DNM3: variants seen among roughly 807,000 people sequenced by gnomAD.
DNM3 encodes the protein dynamin 3.
In DNM3, 47 loss-of-function variants were observed where a neutral mutation model predicts 101.6. The observed-to-expected ratio is 0.46, with a 90% CI of 0.37 to 0.59. DNM3 has a LOEUF of 0.59. Among genes scored for constraint, DNM3 ranks in the 20% least tolerant of loss-of-function variants. The pLI is 0.00. For synonymous variants in DNM3, 385 were observed against 387.9 expected (o/e 0.99, Z 0.09); for missense variants, 849 against 1,085.7 (o/e 0.78, Z 3.06).
intron 14 of DNM3, among the ~76,000 whole-genome samples, chr1:172,244,134 T>C (rs10458357): frequency 6.6e-6 from 1 of 151,862 alleles, no homozygotes. Context: ...TTTGTTCTTG[T>C]GATAGTTTAC....
rs143439806 is a variant in DNM3, at chr1:172,284,603, A to G, written c.1770-24125A>G. On this transcript the variant is annotated intron_variant, in intron 15 of 20. Transcript: ENST00000627582. ...CAAACAAATAAATCAAGAAATGAATACCATAGGAACATTATACAGAATGAC... is the reference window on the plus strand; with the variant it reads ...CAAACAAATAAATCAAGAAATGAATGCCATAGGAACATTATACAGAATGAC... Among the ~76,000 whole-genome samples, 335 of 152,310 alleles carry G rather than the reference A, an allele frequency of 2.2e-3. 4 individuals are homozygous for G. In the South Asian group the frequency reaches 0.022, roughly 10 times the overall value.
downstream of DNM3, among the ~76,000 whole-genome samples, chr1:172,413,102 A>ATGTT (rs1395738297): frequency 6.6e-6 from 1 of 152,204 alleles, no homozygotes; most frequent in East Asian, 1.9e-4. Flanking sequence ...GTGTGCCCAA[A>ATGTT]TGTTAGGTCC....
intron 1 of DNM3, among the ~76,000 whole-genome samples, chr1:171,854,782 G>A (rs933500516): frequency 2.0e-5 from 3 of 151,748 alleles, no homozygotes; most frequent in Non-Finnish European, 4.4e-5. Context: ...CACCAGGCTG[G>A]TCTCAAACTC....
chr1:172,167,719 A>G (rs570992091), intron 14 of DNM3, among the ~76,000 whole-genome samples: 1 of 152,128 alleles, frequency 6.6e-6, no homozygotes, highest in Admixed American at 6.6e-5. Context: ...TTTTTTCCAT[A>G]TAATTGATGC....
chr1:172,354,088 G>T (rs1309991452), intron 17 of DNM3, among the ~76,000 whole-genome samples: 3 of 123,042 alleles, frequency 2.4e-5, no homozygotes, highest in South Asian at 2.9e-4. Context: ...AAGGTGTTGG[G>T]GTGTGTGTGT....
At chr1:171,846,344 GT>G (rs1157344128) in intron 1 of DNM3, among the ~76,000 whole-genome samples, 1 of 152,134 alleles carries the variant, frequency 6.6e-6, no homozygotes, top group Non-Finnish European at 1.5e-5. Context: ...GGATATCTCT[GT>G]TTTGGAATTT....
chr1:172,106,163 G>A (rs2054997713), intron 13 of DNM3, among the ~76,000 whole-genome samples: 1 of 152,126 alleles, frequency 6.6e-6, no homozygotes, highest in African/African-American at 2.4e-5. Context: ...ATATGGGCCT[G>A]TAATCCCATC....
intron 14 of DNM3, among the ~76,000 whole-genome samples, chr1:172,230,110 A>C (rs1573036104): frequency 6.6e-6 from 1 of 152,202 alleles, no homozygotes; most frequent in Non-Finnish European, 1.5e-5. Flanking sequence ...CCATGTTGTC[A>C]TGGTTTTTTG....
intron 17 of DNM3, among the ~76,000 whole-genome samples, chr1:172,367,626 CA>C (rs2149028565): frequency 6.6e-6 from 1 of 151,616 alleles, no homozygotes; most frequent in African/African-American, 2.4e-5. Context: ...ATTAAATTCC[CA>C]AATTAAAAGA....
chr1:171,950,789 T>A (rs1010622699), intron 2 of DNM3, among the ~76,000 whole-genome samples: 1 of 152,202 alleles, frequency 6.6e-6, no homozygotes, highest in African/African-American at 2.4e-5. Flanking sequence ...GGTACACACG[T>A]GTGTACTTAC....
intron 1 of DNM3, among the ~76,000 whole-genome samples, chr1:171,856,191 A>G (rs898896459): frequency 6.6e-6 from 1 of 151,984 alleles, no homozygotes; most frequent in Non-Finnish European, 1.5e-5. Flanking sequence ...GTGTGGCCTT[A>G]TTTCTGGGCT....
At chr1:172,220,593 G>A (rs1438966929) in intron 14 of DNM3, among the ~76,000 whole-genome samples, 2 of 152,020 alleles carry the variant, frequency 1.3e-5, no homozygotes, top group Admixed American at 6.6e-5. Context: ...AGAGGCGGAT[G>A]GGAAAGGAAC....
At chr1:172,110,343 T>G (rs1403450450) in intron 13 of DNM3, among the ~76,000 whole-genome samples, 1 of 152,224 alleles carries the variant, frequency 6.6e-6, no homozygotes, top group Non-Finnish European at 1.5e-5. Flanking sequence ...CATACTCCTC[T>G]CACCACAGTT....
intron 11 of DNM3, among the ~76,000 whole-genome samples, chr1:172,079,340 C>A (rs1286377118): frequency 6.6e-6 from 1 of 152,018 alleles, no homozygotes; most frequent in African/African-American, 2.4e-5. Context: ...TTTCTGTAAT[C>A]TTGTCTCTAC....
intron 2 of DNM3, among the ~76,000 whole-genome samples, chr1:171,953,806 A>G (rs1328825722): frequency 1.3e-5 from 2 of 152,212 alleles, no homozygotes; most frequent in Non-Finnish European, 2.9e-5. Context: ...TAGACAGGAA[A>G]GTTGCCAAGA....
chr1:171,963,349 A>G (rs2043341176), intron 2 of DNM3, among the ~76,000 whole-genome samples: 1 of 152,180 alleles, frequency 6.6e-6, no homozygotes, highest in African/African-American at 2.4e-5. Flanking sequence ...AAGTAAAAAG[A>G]TCAGTGGTTG....
chr1:172,269,146 A>C (rs1158439391), intron 15 of DNM3, among the ~76,000 whole-genome samples: 3 of 152,200 alleles, frequency 2.0e-5, no homozygotes, highest in African/African-American at 7.2e-5. Context: ...AAAGTGTTTG[A>C]GGCATTCATG....
chr1:171,887,623 TA>T (rs1188314271), intron 1 of DNM3, among the ~76,000 whole-genome samples: 2 of 152,144 alleles, frequency 1.3e-5, no homozygotes, highest in Non-Finnish European at 2.9e-5. Context: ...TTAATTAATT[TA>T]TTTTTTTTTG....
chr1:172,073,379 A>G (rs1332767860), intron 11 of DNM3, among the ~76,000 whole-genome samples: 2 of 152,218 alleles, frequency 1.3e-5, no homozygotes, highest in East Asian at 3.9e-4. Flanking sequence ...ATTGAAACAT[A>G]TATATGCATA....
Sources: gnomAD v4.1 joint callset for allele counts (sites outside exome capture counted in the v4.1 genomes callset) on GRCh38, gnomAD v4.1.1 for gene constraint, MANE v1.5 for transcripts, NCBI Gene and HGNC (gene_info 2026-07-23, HGNC 2026-07-21) for gene names.